The following LRRC37A2 variants were observed in gnomAD, a reference collection of about 807,000 sequenced individuals.
LRRC37A2 encodes leucine-rich repeat-containing protein 37A2.
Under a neutral mutation model 68.8 loss-of-function variants are expected in LRRC37A2, and 9 were observed. The observed-to-expected ratio is 0.13, with a 90% CI of 0.08 to 0.23. The LOEUF (loss-of-function observed/expected upper bound fraction) is 0.23, where lower values mean the gene tolerates loss of function less well. LRRC37A2 is among the 10% of genes least tolerant of loss of function. The pLI, the probability that LRRC37A2 is intolerant of heterozygous loss-of-function variation, is 1.00. For synonymous variants in LRRC37A2, 63 were observed against 367.6 expected (o/e 0.17, Z 9.48); for missense variants, 168 against 950.4 (o/e 0.18, Z 10.82).
the LRRC37A2 span, chr17:46,930,906 T>C: frequency 1.7e-4 from 101 of 603,698 alleles, no homozygotes; most frequent in African/African-American, 3.2e-4. Context: ...GCTATATACA[T>C]GTACTTTTTT....
At chr17:46,533,767 G>A (rs1382650350) in intron 6 of LRRC37A2, among the ~76,000 whole-genome samples, 1 of 92,746 alleles carries the variant, frequency 1.1e-5, no homozygotes, top group Non-Finnish European at 1.9e-5. Flanking sequence ...CTCCCAAAGT[G>A]CTGGGATTAC....
chr17:46,978,632 A>AC, the LRRC37A2 span: 2 of 1,579,794 alleles, frequency 1.3e-6, no homozygotes, highest in African/African-American at 2.8e-5. Flanking sequence ...GCGAGGGCGG[A>AC]CCCAGATGGC....
the LRRC37A2 span, among the ~76,000 whole-genome samples, chr17:46,836,497 G>A: frequency 2.8e-4 from 43 of 152,320 alleles, no homozygotes; most frequent in Admixed American, 2.6e-3. Flanking sequence ...CTGATAAGAG[G>A]AAGAAAAGTA....
chr17:46,768,229 G>A, the LRRC37A2 span: 1 of 1,574,732 alleles, frequency 6.4e-7, no homozygotes, highest in Non-Finnish European at 8.6e-7. The surrounding 1 kb of genome is among the most constrained non-coding windows in gnomAD (Gnocchi z 5.0). Context: ...ACAGAAGGGG[G>A]TCGTCAAGAA....
the LRRC37A2 span, among the ~76,000 whole-genome samples, chr17:46,900,485 G>A: frequency 6.6e-6 from 1 of 152,070 alleles, no homozygotes; most frequent in African/African-American, 2.4e-5. Context: ...CTTGACCTCA[G>A]GTGATGCACC....
At chr17:46,750,990 T>G in the LRRC37A2 span, among the ~76,000 whole-genome samples, 1 of 152,180 alleles carries the variant, frequency 6.6e-6, no homozygotes, top group Non-Finnish European at 1.5e-5. Flanking sequence ...ACAAGTAACT[T>G]GGTGAGCTCT....
chr17:46,859,310 T>C, the LRRC37A2 span, among the ~76,000 whole-genome samples: 1 of 152,186 alleles, frequency 6.6e-6, no homozygotes, highest in Non-Finnish European at 1.5e-5. Flanking sequence ...TATGGTTCAT[T>C]TTGAGTTAAC....
chr17:46,625,879 TAAAAAA>T, the LRRC37A2 span, among the ~76,000 whole-genome samples: 8 of 59,034 alleles, frequency 1.4e-4, no homozygotes, highest in African/African-American at 4.5e-4. Context: ...CCACATGTAT[TAAAAAA>T]AAAAAAAAAA....
the LRRC37A2 span, among the ~76,000 whole-genome samples, chr17:46,860,673 G>A: frequency 6.6e-6 from 1 of 152,238 alleles, no homozygotes; most frequent in African/African-American, 2.4e-5. Context: ...AGCGTCCCAC[G>A]TTTAGAAGAG....
chr17:46,798,054 GA>G, the LRRC37A2 span, among the ~76,000 whole-genome samples: 1 of 152,068 alleles, frequency 6.6e-6, no homozygotes, highest in Admixed American at 6.6e-5. Context: ...TCAGCCTCCC[GA>G]GTAGCTAGGA....
chr17:46,779,103 A>ACCC, the LRRC37A2 span, among the ~76,000 whole-genome samples: 8 of 133,590 alleles, frequency 6.0e-5, no homozygotes, highest in African/African-American at 2.2e-4. Flanking sequence ...ACACACACAC[A>ACCC]CCCCAGCCCA....
At chr17:46,982,534 C>T in the LRRC37A2 span, among the ~76,000 whole-genome samples, 4,805 of 152,312 alleles carry the variant, frequency 0.032, 302 homozygotes, top group East Asian at 0.22. Context: ...GGACTGTCCC[C>T]TTGACATGAG....
At chr17:46,910,248 T>C in the LRRC37A2 span, 1 of 152,132 alleles carries the variant, frequency 6.6e-6, no homozygotes, top group Non-Finnish European at 1.5e-5. Flanking sequence ...ACTCATTGAG[T>C]GGCATGGGTC....
the LRRC37A2 span, chr17:46,939,432 C>G: frequency 1.0e-6 from 1 of 992,424 alleles, no homozygotes; most frequent in South Asian, 4.5e-5. Flanking sequence ...GTGTTATTTC[C>G]CGGGAGTGTT....
rs1277137706 is a variant in LRRC37A2, at chr17:46,545,088, G to A, written c.3054-1167G>A. ...CCTGCCTCGTAACCGCAGATGGCCT[G>A]TAATACTAAGTTTGATCACTTGACT... On this transcript the variant is annotated intron_variant, in intron 8 of 14. Coordinates refer to ENST00000576629, the Ensembl canonical transcript of LRRC37A2. 3.0e-5 allele frequency among the ~76,000 whole-genome samples: 4 copies of A among 134,390 alleles called. 1 individual carries two copies. Among genetic ancestry groups the A allele is most frequent in the African/African-American group, 1.2e-4 (4 of 33,186 alleles). The allele number at this position is 134,390 out of a possible 152,430, so 88.2% of individuals were successfully genotyped here. A position where few individuals can be genotyped will look rare whatever the true frequency, so the allele number is the denominator to read the frequency against.
the LRRC37A2 span, among the ~76,000 whole-genome samples, chr17:46,999,894 G>A: frequency 6.6e-6 from 1 of 150,460 alleles, no homozygotes; most frequent in African/African-American, 2.4e-5. Flanking sequence ...AGCTACTCAG[G>A]AGGCTGAGGC....
chr17:46,935,130 T>C, the LRRC37A2 span: 3 of 1,613,938 alleles, frequency 1.9e-6, no homozygotes, highest in Admixed American at 1.7e-5. Context: ...ATGGGCACAA[T>C]ATTTTAGATG....
At chr17:46,790,067 C>T in the LRRC37A2 span, among the ~76,000 whole-genome samples, 34 of 152,150 alleles carry the variant, frequency 2.2e-4, no homozygotes, top group African/African-American at 7.7e-4. Context: ...GCTGCCCCTC[C>T]CTTGCAGCCC....
the LRRC37A2 span, chr17:46,851,598 C>G: frequency 8.6e-7 from 1 of 1,163,348 alleles, no homozygotes; most frequent in Non-Finnish European, 1.1e-6. The surrounding 1 kb of genome is among the most constrained non-coding windows in gnomAD (Gnocchi z 4.3). Context: ...CGAGCTTGAG[C>G]GGCGCGAGGA....
Sources: gnomAD v4.1 joint callset for allele counts (sites outside exome capture counted in the v4.1 genomes callset) on GRCh38, gnomAD v4.1.1 for gene constraint, Gnocchi (gnomAD v3.1) non-coding constraint, MANE v1.5 for transcripts, NCBI Gene and HGNC (gene_info 2026-07-23, HGNC 2026-07-21) for gene names.